The following VPS13B variants were observed in gnomAD, a reference collection of about 807,000 sequenced individuals.
VPS13B encodes vacuolar protein sorting 13 homolog B.
Under a neutral mutation model 426.4 loss-of-function variants are expected in VPS13B, and 285 were observed. The observed-to-expected ratio is 0.67, with a 90% confidence interval of 0.61 to 0.74. VPS13B has a LOEUF of 0.74. VPS13B is among the 30% of genes least tolerant of loss of function. VPS13B has a pLI of 0.00. For synonymous variants in VPS13B, 1,676 were observed against 1,676.4 expected, an observed-to-expected ratio of 1.00 and a Z score of 0.01; for missense variants, 4,537 against 4,782.6, an observed-to-expected ratio of 0.95 and a Z score of 1.51.
chr8:99,541,847 T>A (rs1310124801), intron 30 of VPS13B, among the ~76,000 whole-genome samples: 4 of 152,180 alleles, frequency 2.6e-5, no homozygotes, highest in Non-Finnish European at 5.9e-5. Flanking sequence ...AATATTATAC[T>A]TGAAGTTCTT....
Position 99,442,569 on chromosome 8 carries a change from G to T in VPS13B, c.3379G>T (p.Gly1127Trp), listed in dbSNP as rs117357319. ...GCCTCAAATAAAGATTATTAGTGCTGGGCACAAGTATATGGAACCTCTGCA... is the reference window on the plus strand; with the variant it reads ...GCCTCAAATAAAGATTATTAGTGCTTGGCACAAGTATATGGAACCTCTGCA... ...CLPQIKIISAGHKYMEPLQEI... is the reference protein window; with the variant it reads ...CLPQIKIISAWHKYMEPLQEI... Residue 1127 changes from glycine to tryptophan, a missense_variant, in exon 23 of 62, where the codon GGG becomes TGG. Transcript: ENST00000357162. 3.4e-4 allele frequency: 552 copies of T among 1,613,852 alleles called. 6 individuals carry two copies. The East Asian group carries it at 0.012, about 36-fold the overall frequency.
intron 21 of VPS13B, among the ~76,000 whole-genome samples, chr8:99,416,494 G>A (rs1002663121): frequency 1.3e-5 from 2 of 152,188 alleles, no homozygotes; most frequent in African/African-American, 2.4e-5. Context: ...CTAGCTCAGT[G>A]TCTGCCCAAA....
intron 3 of VPS13B, among the ~76,000 whole-genome samples, chr8:99,095,937 G>A (rs911391869): frequency 5.9e-5 from 9 of 152,036 alleles, no homozygotes; most frequent in Non-Finnish European, 1.0e-4. Flanking sequence ...AACAAATGGG[G>A]AAAAATTAAG....
At chr8:99,155,934 C>T (rs1811335955) in intron 14 of VPS13B, among the ~76,000 whole-genome samples, 1 of 152,144 alleles carries the variant, frequency 6.6e-6, no homozygotes, top group East Asian at 1.9e-4. Flanking sequence ...GGTACATACG[C>T]TGGACATCTT....
At chr8:99,120,789 TC>T (rs1389973211) in intron 7 of VPS13B, among the ~76,000 whole-genome samples, 1 of 152,200 alleles carries the variant, frequency 6.6e-6, no homozygotes, top group Non-Finnish European at 1.5e-5. Context: ...GTATTATGTT[TC>T]TGAGAAAAGT....
At chr8:99,368,730 T>C (rs1203068095) in intron 19 of VPS13B, among the ~76,000 whole-genome samples, 1 of 152,218 alleles carries the variant, frequency 6.6e-6, no homozygotes, top group East Asian at 1.9e-4. Context: ...CAATCCATAG[T>C]CCATGCTCCA....
chr8:99,517,622 C>A (rs1332285601), intron 29 of VPS13B, among the ~76,000 whole-genome samples: 1 of 152,140 alleles, frequency 6.6e-6, no homozygotes, highest in Non-Finnish European at 1.5e-5. Flanking sequence ...TCTAAATCTA[C>A]AAGTCTTTGA....
chr8:99,811,162 GA>G (rs941497833), intron 44 of VPS13B, among the ~76,000 whole-genome samples: 34 of 152,172 alleles, frequency 2.2e-4, no homozygotes, highest in African/African-American at 8.2e-4. Context: ...CAGATGACAA[GA>G]GGCTCATTCC....
chr8:99,685,167 T>TA, intron 35 of VPS13B, among the ~76,000 whole-genome samples: 1 of 152,244 alleles, frequency 6.6e-6, no homozygotes. Context: ...AAAACTTCAA[T>TA]AAATATACCT....
At chr8:99,074,484 G>GGTGAGACA (rs1845014303) in intron 3 of VPS13B, among the ~76,000 whole-genome samples, 1 of 150,748 alleles carries the variant, frequency 6.6e-6, no homozygotes, top group Non-Finnish European at 1.5e-5. Context: ...CTCCAGCCTG[G>GGTGAGACA]GTGAGACAGT....
chr8:99,284,531 A>G (rs1819332326), intron 19 of VPS13B, among the ~76,000 whole-genome samples: 1 of 152,136 alleles, frequency 6.6e-6, no homozygotes, highest in Non-Finnish European at 1.5e-5. Flanking sequence ...TACTTTGAGC[A>G]AGTAAACCTT....
chr8:99,621,423 T>C (rs1402638982), intron 33 of VPS13B, among the ~76,000 whole-genome samples: 1 of 152,186 alleles, frequency 6.6e-6, no homozygotes, highest in African/African-American at 2.4e-5. Flanking sequence ...CTATATATAA[T>C]CTTCTTGTCC....
intron 32 of VPS13B, among the ~76,000 whole-genome samples, chr8:99,577,051 G>T (rs1472307396): frequency 6.6e-6 from 1 of 152,002 alleles, no homozygotes; most frequent in Non-Finnish European, 1.5e-5. Context: ...GCCCTTCAAG[G>T]CCGACATTAT....
chr8:99,074,587 T>C (rs919137986), intron 3 of VPS13B, among the ~76,000 whole-genome samples: 1 of 152,184 alleles, frequency 6.6e-6, no homozygotes, highest in Admixed American at 6.5e-5. Flanking sequence ...TTGTATTTTG[T>C]TGAGAATTTT....
intron 19 of VPS13B, among the ~76,000 whole-genome samples, chr8:99,351,683 T>G (rs1380230177): frequency 6.6e-6 from 1 of 152,126 alleles, no homozygotes; most frequent in African/African-American, 2.4e-5. Context: ...AATAAATTAC[T>G]AGTATCAGAT....
intron 19 of VPS13B, among the ~76,000 whole-genome samples, chr8:99,314,155 G>A (rs906927398): frequency 5.9e-5 from 9 of 152,128 alleles, no homozygotes; most frequent in East Asian, 5.8e-4. Flanking sequence ...GCTCATGCTC[G>A]TTGGGCTGCA....
chr8:99,681,704 G>T (rs1171455511), intron 35 of VPS13B, among the ~76,000 whole-genome samples: 2 of 152,128 alleles, frequency 1.3e-5, no homozygotes, highest in East Asian at 1.9e-4. Context: ...GCAACTGTTT[G>T]GGAATACATA....
rs144796773 is a variant in VPS13B, at chr8:99,087,740, G to T, written c.292-8572G>T. Among the ~76,000 whole-genome samples, 268 of 151,650 alleles carry T rather than the reference G, an allele frequency of 1.8e-3. 1 individual carries two copies. Among genetic ancestry groups the T allele is most frequent in the African/African-American group, 6.3e-3 (262 of 41,318 alleles). Reference sequence around the variant, plus strand: ...TGGGATTATAGGAATATGCTACAAAGCCCTGTTTCAAGTATAACTTGTATT... The same window carrying T: ...TGGGATTATAGGAATATGCTACAAATCCCTGTTTCAAGTATAACTTGTATT... On this transcript the variant is annotated intron_variant, in intron 3 of 61. Coordinates refer to ENST00000357162, the MANE Select transcript of VPS13B (RefSeq NM_152564.5).
At chr8:99,278,959 T>C (rs1819032415) in intron 19 of VPS13B, among the ~76,000 whole-genome samples, 1 of 152,230 alleles carries the variant, frequency 6.6e-6, no homozygotes. Context: ...GGGGAACCAT[T>C]TAATGACACA....
Sources: gnomAD v4.1 joint callset for allele counts (sites outside exome capture counted in the v4.1 genomes callset) on GRCh38, gnomAD v4.1.1 for gene constraint, MANE v1.5 for transcripts, NCBI Gene and HGNC (gene_info 2026-07-23, HGNC 2026-07-21) for gene names.